Variants in OPHN1 observed in about 807,000 individuals in gnomAD.
OPHN1 encodes oligophrenin 1.
Under a neutral mutation model 60.7 loss-of-function variants are expected in OPHN1, and 11 were observed. The ratio of observed to expected loss-of-function variants is 0.18; its 90% CI spans 0.11 to 0.30. OPHN1 has a LOEUF of 0.30. Among genes scored for constraint, OPHN1 ranks in the 10% least tolerant of loss-of-function variants. OPHN1 has a pLI of 1.00. For synonymous variants in OPHN1, 226 were observed against 222.6 expected (o/e 1.02, Z -0.14); for missense variants, 449 against 611.0 (o/e 0.73, Z 2.80).
intron 2 of OPHN1, among the ~76,000 whole-genome samples, chrX:68,392,453 G>C (rs1173813369): frequency 9.1e-6 from 1 of 110,170 alleles, no homozygotes; most frequent in Non-Finnish European, 1.9e-5. Context: ...TTGAGTCTAG[G>C]AATTCAAGGC....
intron 5 of OPHN1, among the ~76,000 whole-genome samples, chrX:68,263,759 C>CA (rs1317574930): frequency 9.0e-6 from 1 of 111,014 alleles, no homozygotes; most frequent in East Asian, 2.8e-4. Context: ...CAGTGTTATC[C>CA]AATAGAAAGA....
intron 6 of OPHN1, among the ~76,000 whole-genome samples, chrX:68,216,119 T>A (rs976673293): frequency 9.0e-6 from 1 of 111,484 alleles, no homozygotes; most frequent in Non-Finnish European, 1.9e-5. Context: ...TTGGAAATAG[T>A]CTGTTGATCC....
At chrX:68,278,949 T>C (rs2078005813) in intron 4 of OPHN1, among the ~76,000 whole-genome samples, 2 of 109,065 alleles carry the variant, frequency 1.8e-5, no homozygotes, top group African/African-American at 6.7e-5. Context: ...TGAAATATTA[T>C]GGGGGCCTCT....
intron 2 of OPHN1, among the ~76,000 whole-genome samples, chrX:68,354,465 A>G (rs1412147006): frequency 1.3e-3 from 137 of 103,141 alleles, no homozygotes; most frequent in Non-Finnish European, 2.2e-3. Context: ...AAAAAAAAAA[A>G]AAAAAAAAAA....
intron 15 of OPHN1, 48 bp from the exon 16 acceptor site, chrX:68,119,380 T>C (rs1195249340): frequency 3.2e-6 from 3 of 940,692 alleles, no homozygotes; most frequent in Non-Finnish European, 4.6e-6. Context: ...ATCAAAAAAA[T>C]CTTACATTTT....
chrX:68,341,670 C>A (rs1264418954), intron 2 of OPHN1, among the ~76,000 whole-genome samples: 4 of 109,546 alleles, frequency 3.7e-5, no homozygotes, highest in African/African-American at 1.3e-4. Context: ...CCCGTCTCTA[C>A]AAAAAAATAT....
intron 2 of OPHN1, among the ~76,000 whole-genome samples, chrX:68,318,529 T>C (rs1385213576): frequency 8.9e-6 from 1 of 112,541 alleles, no homozygotes; most frequent in Non-Finnish European, 1.9e-5. Flanking sequence ...TTATTTTAAA[T>C]AAACTTTAGA....
intron 21 of OPHN1, among the ~76,000 whole-genome samples, chrX:68,059,482 A>G (rs759351901): frequency 9.0e-6 from 1 of 111,648 alleles, no homozygotes; most frequent in Admixed American, 9.5e-5. Context: ...CTTAGCCATT[A>G]TTTATCCTTA....
At chrX:68,062,678 T>C (rs2076897504) in intron 21 of OPHN1, among the ~76,000 whole-genome samples, 1 of 112,235 alleles carries the variant, frequency 8.9e-6, no homozygotes, top group Non-Finnish European at 1.9e-5. Flanking sequence ...AAATAAATTA[T>C]TCTTAACCAT....
intron 15 of OPHN1, among the ~76,000 whole-genome samples, chrX:68,182,012 A>G (rs2077439131): frequency 9.0e-6 from 1 of 110,949 alleles, no homozygotes; most frequent in African/African-American, 3.3e-5. Context: ...CAGAAGGCAA[A>G]TTAACTATCA....
intron 15 of OPHN1, among the ~76,000 whole-genome samples, chrX:68,138,573 C>T (rs1429008292): frequency 7.2e-5 from 8 of 111,781 alleles, no homozygotes; most frequent in Non-Finnish European, 1.3e-4. Flanking sequence ...TGAACCCTGG[C>T]GTAGAACAAT....
chrX:68,414,525 G>A (rs1457009265), intron 2 of OPHN1, among the ~76,000 whole-genome samples: 2 of 112,249 alleles, frequency 1.8e-5, no homozygotes, highest in African/African-American at 6.5e-5. Flanking sequence ...ACTGTCATAA[G>A]TATGTTTTTT....
At chrX:68,244,496 G>T (rs1176492804) in intron 5 of OPHN1, among the ~76,000 whole-genome samples, 2 of 112,060 alleles carry the variant, frequency 1.8e-5, no homozygotes, top group Non-Finnish European at 3.8e-5. Flanking sequence ...ACAAGGAATG[G>T]TGTCAGGTAC....
In OPHN1 at chrX:68,206,603, C is replaced by T. The variant is rs370014854; in HGVS notation, c.903G>A (p.Thr301=). ...TAGCACCTGGCTTCTGCTCCATAGG[C>T]GTCATGGTCAGTGTTTTGGTCTCTT... ...YEKETKTLTM[T]PMEQKPGAKQ... is the part of the protein sequence containing the mutation. Residue 301 remains threonine (T), a synonymous_variant, in exon 10 of 25, where the codon ACG becomes ACA. Transcript: ENST00000355520. The T allele has an allele frequency of 6.2e-5, 75 of 1,208,758 alleles. No homozygotes were observed. The highest frequency in any genetic ancestry group is 7.8e-5 in the Non-Finnish European group (70 of 894,053).
intron 5 of OPHN1, among the ~76,000 whole-genome samples, chrX:68,236,364 T>C (rs2077753035): frequency 8.9e-6 from 1 of 112,142 alleles, no homozygotes; most frequent in African/African-American, 3.2e-5. Flanking sequence ...GAATACTTTC[T>C]CCTTCAAATT....
intron 20 of OPHN1, among the ~76,000 whole-genome samples, chrX:68,066,958 G>A (rs908688550): frequency 8.9e-6 from 1 of 112,281 alleles, no homozygotes; most frequent in African/African-American, 3.2e-5. Flanking sequence ...CGAAGAACTG[G>A]GAGTGAATCA....
chrX:68,275,011 G>C (rs2077986172), intron 4 of OPHN1, among the ~76,000 whole-genome samples: 1 of 112,241 alleles, frequency 8.9e-6, no homozygotes, highest in African/African-American at 3.2e-5. Flanking sequence ...GAAAGAATAA[G>C]AGGGGCATTT....
chrX:68,282,115 A>G (rs2078021865), intron 4 of OPHN1, among the ~76,000 whole-genome samples: 1 of 112,488 alleles, frequency 8.9e-6, no homozygotes, highest in Admixed American at 9.4e-5. Context: ...GTATCAACAC[A>G]AAAACCTACA....
At chrX:68,119,154 A>G in intron 16 of OPHN1, 94 bp downstream of exon 16, 1 of 621,067 alleles carries the variant, frequency 1.6e-6, no homozygotes, top group South Asian at 2.3e-5. Flanking sequence ...ATTCTATCCA[A>G]ACTCCTGGAA....
Sources: allele counts gnomAD v4.1 joint callset (sites outside exome capture counted in the v4.1 genomes callset), GRCh38; gene constraint gnomAD v4.1.1; transcripts MANE v1.5; gene names NCBI Gene and HGNC (gene_info 2026-07-23, HGNC 2026-07-21).